Variants in ZNF423 observed in about 807,000 individuals in gnomAD.
The protein encoded by ZNF423 is zinc finger protein 423.
A neutral mutation model predicts 95.8 loss-of-function variants in ZNF423; 12 were observed. That is an observed-to-expected ratio of 0.13 (90% CI 0.08 to 0.20). ZNF423 has a LOEUF of 0.20. Ranked by LOEUF, ZNF423 falls within the 10% of genes least tolerant of loss-of-function variation. ZNF423 has a pLI of 1.00. For synonymous variants in ZNF423, 749 were observed against 711.9 expected, an observed-to-expected ratio of 1.05 and a Z score of -0.83; for missense variants, 1,316 against 1,737.1, an observed-to-expected ratio of 0.76 and a Z score of 4.31.
intron 2 of ZNF423, among the ~76,000 whole-genome samples, chr16:49,752,912 C>T (rs903634250): frequency 1.3e-5 from 2 of 152,158 alleles, no homozygotes; most frequent in East Asian, 1.9e-4. Context: ...AGCAGTCAAC[C>T]GCAGAGACAA....
chr16:49,836,360 G>C (rs1170125005), intron 1 of ZNF423, among the ~76,000 whole-genome samples: 7 of 152,024 alleles, frequency 4.6e-5, no homozygotes, highest in African/African-American at 9.7e-5. Flanking sequence ...AGGCCCAGTG[G>C]GGGAGGGGGT....
intron 3 of ZNF423, among the ~76,000 whole-genome samples, chr16:49,645,379 T>C (rs1438359564): frequency 6.6e-6 from 1 of 152,218 alleles, no homozygotes; most frequent in East Asian, 1.9e-4. Context: ...AGTGGTTGCC[T>C]AGAATCCTGT....
At chr16:49,494,717 C>G (rs932811063) in intron 7 of ZNF423, among the ~76,000 whole-genome samples, 1 of 152,172 alleles carries the variant, frequency 6.6e-6, no homozygotes, top group Non-Finnish European at 1.5e-5. Context: ...TGGTGGGACC[C>G]CTGTCCCCAA....
intron 5 of ZNF423, 60 bp downstream of exon 5, chr16:49,626,110 C>G: frequency 6.5e-7 from 1 of 1,545,542 alleles, no homozygotes; most frequent in South Asian, 1.1e-5. Context: ...ATGATTGGAA[C>G]CGCAAATTTA....
chr16:49,516,908 G>A (rs957264894), intron 7 of ZNF423, among the ~76,000 whole-genome samples: 4 of 152,180 alleles, frequency 2.6e-5, no homozygotes, highest in Non-Finnish European at 5.9e-5. Flanking sequence ...TTTCCTGGGT[G>A]TTCCTTCTGG....
At chr16:49,745,353 A>C (rs1186331330) in intron 2 of ZNF423, among the ~76,000 whole-genome samples, 1 of 152,198 alleles carries the variant, frequency 6.6e-6, no homozygotes, top group Non-Finnish European at 1.5e-5. Flanking sequence ...CTGGGAAGTA[A>C]TTACAGAAAT....
intron 2 of ZNF423, among the ~76,000 whole-genome samples, chr16:49,774,739 G>T (rs1237766903): frequency 6.6e-6 from 1 of 152,154 alleles, no homozygotes; most frequent in Non-Finnish European, 1.5e-5. Flanking sequence ...TGGGCAAGGG[G>T]AGGAGGGGAC....
intron 6 of ZNF423, 92 bp downstream of exon 6, chr16:49,525,271 A>G: frequency 6.4e-7 from 1 of 1,553,606 alleles, no homozygotes; most frequent in Non-Finnish European, 8.7e-7. Flanking sequence ...TGCCAAGGAA[A>G]GAGGAAGAGC....
Position 49,637,722 on chromosome 16 carries a change from A to T in ZNF423, c.1454T>A (p.Ile485Asn). The T allele has an allele frequency of 6.2e-7, 1 of 1,614,148 alleles. No homozygotes were observed. The highest frequency in any genetic ancestry group is 8.5e-7 in the Non-Finnish European group (1 of 1,180,034). The change falls in exon 4 of 8, where the codon ATC becomes AAC. Residue 485 changes from isoleucine (I) to asparagine (N), a missense_variant. Ile to Asn is a moderately radical substitution (Grantham distance 149, BLOSUM62 -3). This residue lies in a region of ZNF423 where 399 missense variants were observed against 478.5 expected (regional missense o/e 0.83). Transcript: ENST00000563137. This position sits in a 1 kb window ranked among gnomAD's most constrained non-coding sequence, Gnocchi z 5.6. ...HAYPVMQFGN[I>N]SAFHCNYCPE... is the part of the protein sequence containing the mutation. ...GCAGTAGTTGCAGTGGAAGGCAGAG[A>T]TGTTGCCAAACTGCATCACAGGGTA...
intron 1 of ZNF423, among the ~76,000 whole-genome samples, chr16:49,802,070 A>T (rs1246213722): frequency 6.6e-6 from 1 of 151,312 alleles, no homozygotes; most frequent in East Asian, 1.9e-4. Flanking sequence ...CTGGTCTTGA[A>T]CTCCTGGCCT....
chr16:49,627,133 C>T (rs1389480097), intron 4 of ZNF423, among the ~76,000 whole-genome samples: 2 of 148,652 alleles, frequency 1.3e-5, no homozygotes, highest in Non-Finnish European at 3.0e-5. Context: ...CATTCATCTA[C>T]ATACACACCC....
intron 5 of ZNF423, among the ~76,000 whole-genome samples, chr16:49,559,502 G>C (rs1402246225): frequency 6.6e-6 from 1 of 152,150 alleles, no homozygotes; most frequent in East Asian, 1.9e-4. Context: ...CAGAATGAGT[G>C]GTTGGACCCA....
At chr16:49,847,910 G>A (rs1424996674) in intron 1 of ZNF423, among the ~76,000 whole-genome samples, 1 of 152,060 alleles carries the variant, frequency 6.6e-6, no homozygotes, top group African/African-American at 2.4e-5. Flanking sequence ...ATTCCCTGAA[G>A]CCTGGCATTC....
intron 5 of ZNF423, among the ~76,000 whole-genome samples, chr16:49,547,455 G>T (rs1164667014): frequency 1.3e-5 from 2 of 152,210 alleles, no homozygotes; most frequent in African/African-American, 4.8e-5. Flanking sequence ...GGAGGAGTCA[G>T]GGACATAAGA....
At chr16:49,782,814 C>T (rs956553370) in intron 2 of ZNF423, among the ~76,000 whole-genome samples, 3 of 152,070 alleles carry the variant, frequency 2.0e-5, no homozygotes, top group African/African-American at 7.2e-5. Flanking sequence ...TAGACAATTA[C>T]ATAAAAATGA....
chr16:49,635,551 G>A lies in ZNF423; in HGVS notation c.3516+109C>T, dbSNP rs574296353. The A allele has an allele frequency of 3.5e-5, 50 of 1,419,182 alleles. No individual in the cohort carries two copies. The highest frequency in any genetic ancestry group is 3.5e-4 in the African/African-American group (24 of 69,540). The allele number at this position is 1,419,182 out of a possible 1,614,324, so 87.9% of individuals were successfully genotyped here. A position where few individuals can be genotyped will look rare whatever the true frequency, so the allele number is the denominator to read the frequency against. On this transcript the variant is annotated intron_variant, in intron 4 of 7. Coordinates refer to ENST00000563137, the MANE Select transcript of ZNF423 (RefSeq NM_001379286.1). This position sits in a 1 kb window ranked among gnomAD's most constrained non-coding sequence, Gnocchi z 4.8. ...CAGCAGTTCTGTTTTGCCACTGCGC[G>A]ATAGCGCCGCTTCTTGGAAACACGG... is the stretch of plus-strand genomic sequence containing the variant.
At chr16:49,691,662 G>A (rs1329883047) in intron 3 of ZNF423, among the ~76,000 whole-genome samples, 2 of 151,908 alleles carry the variant, frequency 1.3e-5, no homozygotes, top group African/African-American at 4.8e-5. Flanking sequence ...AACCTGGGAG[G>A]CAAAGCTTGC....
chr16:49,648,820 A>G (rs550739429), intron 3 of ZNF423, among the ~76,000 whole-genome samples: 1 of 152,312 alleles, frequency 6.6e-6, no homozygotes, highest in South Asian at 2.1e-4. Flanking sequence ...TGGTGAGATT[A>G]AGGGTGTGAC....
intron 3 of ZNF423, 169 bp downstream of exon 3, chr16:49,730,602 T>C (rs1298962817): frequency 2.8e-6 from 2 of 715,010 alleles, no homozygotes; most frequent in Middle Eastern, 4.0e-4. Flanking sequence ...CTTTTATTTT[T>C]AATTGTATTT....
Sources: allele counts gnomAD v4.1 joint callset (sites outside exome capture counted in the v4.1 genomes callset), GRCh38; gene constraint gnomAD v4.1.1; regional missense constraint gnomAD v4.1.1; non-coding constraint Gnocchi (gnomAD v3.1); transcripts MANE v1.5; gene names NCBI Gene and HGNC (gene_info 2026-07-23, HGNC 2026-07-21).